CPNE9: variants seen among roughly 807,000 people sequenced by gnomAD.
The protein encoded by CPNE9 is copine-9.
A neutral mutation model predicts 83.0 loss-of-function variants in CPNE9; 59 were observed. That is an observed-to-expected ratio of 0.71 (90% CI 0.58 to 0.88). The LOEUF (loss-of-function observed/expected upper bound fraction) is 0.88, where lower values mean the gene tolerates loss of function less well. Among genes scored for constraint, CPNE9 ranks in the 40% least tolerant of loss-of-function variants. The pLI, the probability that CPNE9 is intolerant of heterozygous loss-of-function variation, is 0.00. For synonymous variants in CPNE9, 256 were observed against 273.4 expected (o/e 0.94, Z 0.63); for missense variants, 619 against 720.8 (o/e 0.86, Z 1.62).
intron 6 of CPNE9, 99 bp from the exon 7 acceptor site, chr3:9,705,888 C>T (rs1411842703): frequency 2.1e-6 from 3 of 1,429,214 alleles, no homozygotes; most frequent in Non-Finnish European, 2.9e-6. Context: ...ACTCATTCGC[C>T]TGGGAACTGC....
rs2125457159 is a variant in CPNE9 at position 9,704,202 on chromosome 3, G to T, written c.68+138G>T. The T allele has an allele frequency of 7.3e-6, 6 of 817,068 alleles. No homozygotes were observed. The South Asian group carries it at 1.0e-4, about 14-fold the overall frequency. 50.6% of individuals were successfully genotyped at this position (817,068 alleles called of 1,614,324 possible). A position where few individuals can be genotyped will look rare whatever the true frequency, so the allele number is the denominator to read the frequency against. ...GGAAAATCACAGCTGATGACAGGGC[G>T]AGTAGCTGGTGGGATCGAGAAGCGG... On this transcript the variant is annotated intron_variant, in intron 1 of 20. Transcript: ENST00000383832. The surrounding 1 kb of genome is among the most constrained non-coding windows in gnomAD (Gnocchi z 7.1).
chr3:9,717,382 G>A (rs543324920), intron 15 of CPNE9, among the ~76,000 whole-genome samples: 1 of 152,230 alleles, frequency 6.6e-6, no homozygotes, highest in Middle Eastern at 3.2e-3. Context: ...CAGGTGGTGA[G>A]TCATGAATGG....
At chr3:9,706,257 T>G (rs184301637) in intron 7 of CPNE9, among the ~76,000 whole-genome samples, 194 bp downstream of exon 7, 15 of 150,976 alleles carry the variant, frequency 9.9e-5, no homozygotes, top group Admixed American at 2.0e-4. Flanking sequence ...GATATGTCTT[T>G]TCTTTTCTTT....
chr3:9,706,624 TAAGTA>T (rs1348210585), intron 7 of CPNE9, among the ~76,000 whole-genome samples: 1 of 152,108 alleles, frequency 6.6e-6, no homozygotes, highest in African/African-American at 2.4e-5. Context: ...AAAATAGACA[TAAGTA>T]AATTACATAA....
chr3:9,720,391 T>A (rs1338298054), intron 17 of CPNE9, among the ~76,000 whole-genome samples: 1 of 151,960 alleles, frequency 6.6e-6, no homozygotes, highest in Non-Finnish European at 1.5e-5. Context: ...AACTTTCCTT[T>A]TAAGTTCAGG....
In CPNE9 at chr3:9,712,404, C is replaced by T. The variant is rs1241488499; in HGVS notation, c.378-137C>T. Reference sequence around the variant, plus strand: ...CCAGTCAAAGTGAGGCCCTTCCTCACCAGAAGGCACTCAAGACACAAGGGA... The same window carrying T: ...CCAGTCAAAGTGAGGCCCTTCCTCATCAGAAGGCACTCAAGACACAAGGGA... On this transcript the variant is annotated intron_variant, in intron 7 of 20. Coordinates refer to ENST00000383832, the MANE Select transcript of CPNE9 (RefSeq NM_153635.3). 1.5e-5 allele frequency: 11 copies of T among 734,622 alleles called. No individual in the cohort carries two copies. In the Admixed American group the frequency reaches 2.1e-4, roughly 14 times the overall value. 45.5% of individuals were successfully genotyped at this position (734,622 alleles called of 1,614,324 possible). A position where few individuals can be genotyped will look rare whatever the true frequency, so the allele number is the denominator to read the frequency against.
rs1385674101 is a variant in CPNE9, at chr3:9,703,839, A to G, written c.-158A>G. 2.4e-6 allele frequency: 1 copy of G among 418,954 alleles called. No homozygotes were observed. The highest frequency in any genetic ancestry group is 4.0e-6 in the Non-Finnish European group (1 of 253,022). 26.0% of individuals were successfully genotyped at this position (418,954 alleles called of 1,614,324 possible). On this transcript the variant is annotated 5_prime_UTR_variant, in exon 1 of 21. Transcript: ENST00000383832. ...GCCGCTGCCGCCGGCGGCCACTGTC[A>G]GGGCGCGAGCGGCTGGAGCGCACGC...
chr3:9,725,592 A>ATATGTGTATATG (rs1236765007), intron 17 of CPNE9, among the ~76,000 whole-genome samples: 51 of 150,338 alleles, frequency 3.4e-4, no homozygotes, highest in African/African-American at 1.1e-3. Flanking sequence ...ATGTGTATAT[A>ATATGTGTATATG]TATGTGTATA....
Position 9,704,868 on chromosome 3 carries a change from T to C in CPNE9, c.157-23T>C, listed in dbSNP as rs912607096. ...CCCTGCCCGTCTGCACGTCCCACGC[T>C]GACCCTCCACCCCCCTACCCAGTTC... On this transcript the variant is annotated intron_variant, in intron 3 of 20. Coordinates refer to ENST00000383832, the MANE Select transcript of CPNE9 (RefSeq NM_153635.3). This position sits in a 1 kb window ranked among gnomAD's most constrained non-coding sequence, Gnocchi z 7.1. 6.2e-7 allele frequency: 1 copy of C among 1,607,094 alleles called. No homozygotes were observed. The highest frequency in any genetic ancestry group is 8.5e-7 in the Non-Finnish European group (1 of 1,175,410).
At chr3:9,716,275 C>A (rs996854148) in intron 14 of CPNE9, among the ~76,000 whole-genome samples, 4 of 152,146 alleles carry the variant, frequency 2.6e-5, no homozygotes, top group African/African-American at 7.2e-5. Context: ...GGCTCCCAGA[C>A]CAGTGGTCTT....
In CPNE9 at chr3:9,706,050, G is replaced by A; in HGVS notation, c.364G>A (p.Glu122Lys). The A allele has an allele frequency of 6.2e-7, 1 of 1,613,588 alleles. No homozygotes were observed. Among genetic ancestry groups the A allele is most frequent in the Non-Finnish European group, 8.5e-7 (1 of 1,179,988 alleles). Residue 122 changes from glutamate (E) to lysine (K), a missense_variant, in exon 7 of 21, where the codon GAG (glutamate) becomes AAG (lysine). Physicochemically the swap from Glu to Lys is moderately conservative, Grantham distance 56. Transcript: ENST00000383832. ...GATTGGAGGCCAGGGCAGCCGAGTA[G>A]AGCGAACCCTCACGTAAGCTGAATA... ...EVIGGQGSRV[E>K]RTLTGVPGKK...
chr3:9,727,124 T>C lies in CPNE9; in HGVS notation c.1414T>C (p.Leu472=), dbSNP rs1041473389. The C allele has an allele frequency of 2.5e-6, 4 of 1,613,744 alleles. No individual in the cohort carries two copies. The highest frequency in any genetic ancestry group is 2.5e-6 in the Non-Finnish European group (3 of 1,179,920). ...TGTCTTTTCTGCAGCAATGGAAGAG[T>C]TGGACGGTGATGATGTGCGCGTGTC... ...GPAMFEAMEE[L]DGDDVRVSSR... is the part of the protein sequence containing the mutation. The change falls in exon 20 of 21, where the codon TTG becomes CTG. Residue 472 remains leucine, a synonymous_variant. Coordinates refer to ENST00000383832, the MANE Select transcript of CPNE9 (RefSeq NM_153635.3).
Position 9,704,061 on chromosome 3 carries a change from G to A in CPNE9, c.65G>A (p.Cys22Tyr). The change falls in exon 1 of 21, where the codon TGC (cysteine) becomes TAC (tyrosine). Residue 22 changes from cysteine (C) to tyrosine (Y), a missense_variant. By Grantham distance (194) the Cys-to-Tyr change is radical. Coordinates refer to ENST00000383832, the MANE Select transcript of CPNE9 (RefSeq NM_153635.3). This position sits in a 1 kb window ranked among gnomAD's most constrained non-coding sequence, Gnocchi z 7.1. ...PATKIEITVS[C>Y]RNLLDLDTFS... ...ACCAAGATTGAAATTACCGTGTCCT[G>A]CCGGTGAGCGGGCCGCGCTGGGGAG... The A allele has an allele frequency of 1.2e-6, 2 of 1,606,296 alleles. No homozygotes were observed. The highest frequency in any genetic ancestry group is 1.1e-5 in the South Asian group (1 of 89,742).
rs375334695 is a variant in CPNE9 at position 9,703,993 on chromosome 3, A to T, written c.-4A>T. On this transcript the variant is annotated 5_prime_UTR_variant, in exon 1 of 21. Coordinates refer to ENST00000383832, the MANE Select transcript of CPNE9 (RefSeq NM_153635.3). ...CTCCTGCGGCTCTGGTCGCCCGACC[A>T]GCCATGTCTCTCGGCGGAGCCTCCG... 171 of 1,603,304 alleles carry T rather than the reference A, an allele frequency of 1.1e-4. No homozygotes were observed. Among genetic ancestry groups the T allele is most frequent in the African/African-American group, 4.0e-5 (3 of 74,662 alleles).
At chr3:9,726,376 G>A (rs2076784795) in intron 18 of CPNE9, among the ~76,000 whole-genome samples, 1 of 152,182 alleles carries the variant, frequency 6.6e-6, no homozygotes, top group African/African-American at 2.4e-5. Context: ...ATAATGGACA[G>A]TAAGCATGCT....
intron 20 of CPNE9, among the ~76,000 whole-genome samples, chr3:9,728,294 C>G (rs1159805161): frequency 6.6e-6 from 1 of 152,070 alleles, no homozygotes; most frequent in Non-Finnish European, 1.5e-5. Context: ...TTGAGACCAG[C>G]CTGGACAACA....
intron 18 of CPNE9, 104 bp from the exon 19 acceptor site, chr3:9,726,557 TACAA>T: frequency 1.2e-6 from 1 of 834,674 alleles, no homozygotes; most frequent in Non-Finnish European, 2.0e-6. Flanking sequence ...TGCCTCTGCT[TACAA>T]GATGTGCAGA....
chr3:9,727,460 A>C, intron 20 of CPNE9: 2 of 715,886 alleles, frequency 2.8e-6, no homozygotes, highest in Non-Finnish European at 5.2e-6. Context: ...ATATCTCATT[A>C]GATTGTGATA....
chr3:9,729,231 G>A (rs1273568834), intron 20 of CPNE9, among the ~76,000 whole-genome samples: 1 of 152,174 alleles, frequency 6.6e-6, no homozygotes, highest in Admixed American at 6.5e-5. Flanking sequence ...CTGTTCACTG[G>A]ACTGATTTAG....
Sources: allele counts gnomAD v4.1 joint callset (sites outside exome capture counted in the v4.1 genomes callset), GRCh38; gene constraint gnomAD v4.1.1; non-coding constraint Gnocchi (gnomAD v3.1); transcripts MANE v1.5; gene names NCBI Gene and HGNC (gene_info 2026-07-23, HGNC 2026-07-21).